PLEKHA7: variants seen among roughly 807,000 people sequenced by gnomAD.
PLEKHA7 encodes the protein pleckstrin homology domain containing A7, also known as pleckstrin homology domain-containing family A member 7.
A neutral mutation model predicts 170.0 loss-of-function variants in PLEKHA7; 104 were observed. That is an observed-to-expected ratio of 0.61 (90% confidence interval 0.52 to 0.72). The LOEUF (loss-of-function observed/expected upper bound fraction) is 0.72. Ranked by LOEUF, PLEKHA7 falls within the 30% of genes least tolerant of loss-of-function variation. PLEKHA7 has a pLI of 0.00. For synonymous variants in PLEKHA7, 648 were observed against 660.8 expected, an observed-to-expected ratio of 0.98 and a Z score of 0.30; for missense variants, 1,615 against 1,671.7, an observed-to-expected ratio of 0.97 and a Z score of 0.59.
chr11:16,829,058 G>A (rs417349), intron 9 of PLEKHA7, among the ~76,000 whole-genome samples: 24,377 of 151,358 alleles, frequency 0.16, 2,389 homozygotes, highest in African/African-American at 0.27. Context: ...GCTGGAGTGC[G>A]GTGGCAATGA....
chr11:16,818,939 G>C (rs2134756238), intron 10 of PLEKHA7, among the ~76,000 whole-genome samples: 1 of 151,560 alleles, frequency 6.6e-6, no homozygotes, highest in East Asian at 1.9e-4. Context: ...GAGTAGCTGG[G>C]ACTACAGGCG....
At chr11:16,913,397 T>C (rs1858399979) in intron 3 of PLEKHA7, among the ~76,000 whole-genome samples, 1 of 152,090 alleles carries the variant, frequency 6.6e-6, no homozygotes, top group Admixed American at 6.6e-5. Context: ...CCCTACCTGG[T>C]GTTATCAGCA....
intron 3 of PLEKHA7, among the ~76,000 whole-genome samples, chr11:16,926,080 T>A (rs1295627507): frequency 2.0e-5 from 3 of 151,938 alleles, no homozygotes; most frequent in Non-Finnish European, 4.4e-5. Context: ...CCTCCAAGAG[T>A]CCTGACCTTG....
At chr11:16,998,692 T>C (rs909603471) in intron 3 of PLEKHA7, among the ~76,000 whole-genome samples, 4 of 1,112 alleles carry the variant, frequency 3.6e-3, no homozygotes, top group Non-Finnish European at 0.023. Flanking sequence ...ACACCAAAGC[T>C]AAAAAAAATA....
At chr11:16,934,827 AG>A (rs959549877) in intron 3 of PLEKHA7, among the ~76,000 whole-genome samples, 1 of 152,192 alleles carries the variant, frequency 6.6e-6, no homozygotes, top group Non-Finnish European at 1.5e-5. Context: ...TTAGAGGTTA[AG>A]GGGAGGAAAT....
intron 4 of PLEKHA7, among the ~76,000 whole-genome samples, chr11:16,868,687 C>T (rs979200193): frequency 6.6e-6 from 1 of 152,198 alleles, no homozygotes; most frequent in Non-Finnish European, 1.5e-5. Context: ...CAGTGCCACA[C>T]ACCACCTGAG....
intron 3 of PLEKHA7, among the ~76,000 whole-genome samples, chr11:16,884,583 C>T (rs915485032): frequency 1.3e-5 from 2 of 151,466 alleles, no homozygotes; most frequent in East Asian, 3.9e-4. Flanking sequence ...TGCAGTGAGC[C>T]GAGATTGCAT....
intron 3 of PLEKHA7, among the ~76,000 whole-genome samples, chr11:16,987,157 T>C (rs746629432): frequency 1.8e-4 from 28 of 152,176 alleles, no homozygotes; most frequent in Non-Finnish European, 3.5e-4. Flanking sequence ...TGGGCTGTAA[T>C]CTTTTCAGCC....
intron 9 of PLEKHA7, among the ~76,000 whole-genome samples, chr11:16,839,736 G>C (rs1437585309): frequency 6.6e-6 from 1 of 152,070 alleles, no homozygotes; most frequent in Non-Finnish European, 1.5e-5. Flanking sequence ...ATGTGCGTAG[G>C]TTATATGCAA....
chr11:16,837,972 A>T (rs2135192016), intron 9 of PLEKHA7, among the ~76,000 whole-genome samples: 1 of 152,334 alleles, frequency 6.6e-6, no homozygotes, highest in South Asian at 2.1e-4. Flanking sequence ...GTGATCTCCA[A>T]GGAATCAAAG....
rs1465917196 is a variant in PLEKHA7 at position 16,816,806 on chromosome 11, A to C, written c.1860T>G (p.Ala620=). 6.2e-7 allele frequency: 1 copy of C among 1,613,604 alleles called. No homozygotes were observed. Among genetic ancestry groups the C allele is most frequent in the Non-Finnish European group, 8.5e-7 (1 of 1,179,808 alleles). ...GDSPRRARGH[A]VKNSSHVDRR... is the part of the protein sequence containing the mutation. ...AGAGCTTCCCGAGCCTCACCTTGAC[A>C]GCGTGGCCCCGTGCCCTCCTTGGAG... Residue 620 remains alanine (A), a synonymous_variant, in exon 11 of 27, where the codon GCT becomes GCG. Transcript: ENST00000531066.
intron 19 of PLEKHA7, among the ~76,000 whole-genome samples, chr11:16,792,852 C>T (rs1847955268): frequency 1.3e-5 from 2 of 152,200 alleles, no homozygotes; most frequent in Non-Finnish European, 1.5e-5. Flanking sequence ...CAGGTCACTG[C>T]AGCCTCAAAC....
chr11:16,877,660 A>G (rs1265481455), intron 3 of PLEKHA7, among the ~76,000 whole-genome samples: 1 of 152,214 alleles, frequency 6.6e-6, no homozygotes, highest in Non-Finnish European at 1.5e-5. Context: ...TTCTTCCAGA[A>G]TCAGGCCTTG....
chr11:16,846,332 G>C (rs924932048), intron 8 of PLEKHA7, among the ~76,000 whole-genome samples: 1 of 150,512 alleles, frequency 6.6e-6, no homozygotes, highest in Non-Finnish European at 1.5e-5. Flanking sequence ...AAAGAGAAGA[G>C]AAGAGAAAAG....
In PLEKHA7 at chr11:16,990,555, G is replaced by A. The variant is rs76232731; in HGVS notation, c.221+23434C>T. Among the ~76,000 whole-genome samples, 16 of 152,210 alleles carry A rather than the reference G, an allele frequency of 1.1e-4. No homozygotes were observed. In the East Asian group the frequency reaches 2.5e-3, roughly 24 times the overall value. ...GGTCCATAAAAGCCTTGTTCCCATC[G>A]ATTCAGAGCCTTAATTTCCCCATCC... On this transcript the variant is annotated intron_variant, in intron 3 of 26. Coordinates refer to ENST00000531066, the MANE Select transcript of PLEKHA7 (RefSeq NM_001329630.2).
chr11:16,856,097 T>C (rs1853428401), intron 4 of PLEKHA7, among the ~76,000 whole-genome samples, 183 bp from the exon 5 acceptor site: 1 of 152,130 alleles, frequency 6.6e-6, no homozygotes, highest in Admixed American at 6.5e-5. Context: ...CCCATGTGTT[T>C]CAAGGAATCA....
intron 3 of PLEKHA7, among the ~76,000 whole-genome samples, chr11:16,925,965 T>A (rs867274950): frequency 1.3e-5 from 2 of 152,250 alleles, no homozygotes; most frequent in Non-Finnish European, 2.9e-5. Flanking sequence ...AGAACTGCGC[T>A]GTTCTGGCGT....
intron 3 of PLEKHA7, among the ~76,000 whole-genome samples, chr11:16,928,661 G>T (rs1360894356): frequency 6.6e-6 from 1 of 151,682 alleles, no homozygotes; most frequent in Non-Finnish European, 1.5e-5. Flanking sequence ...TCACTATGTT[G>T]TCCAGGCTGG....
At chr11:16,885,891 G>T (rs1349583519) in intron 3 of PLEKHA7, among the ~76,000 whole-genome samples, 2 of 152,072 alleles carry the variant, frequency 1.3e-5, no homozygotes, top group African/African-American at 4.8e-5. Context: ...CAGCCACCAA[G>T]GAGGCTTAGG....
Sources: allele counts gnomAD v4.1 joint callset (sites outside exome capture counted in the v4.1 genomes callset), GRCh38; gene constraint gnomAD v4.1.1; transcripts MANE v1.5; gene names NCBI Gene and HGNC (gene_info 2026-07-23, HGNC 2026-07-21).